Variants in ASIC2 observed in about 807,000 individuals in gnomAD.
ASIC2 encodes the protein acid-sensing ion channel 2.
ASIC2 carries 25 observed loss-of-function variants against 57.3 expected under a neutral mutation model. That is an observed-to-expected ratio of 0.44 (90% CI 0.32 to 0.61). ASIC2 has a LOEUF of 0.61. Ranked by LOEUF, ASIC2 falls within the 20% of genes least tolerant of loss-of-function variation. The pLI is 0.06. For synonymous variants in ASIC2, 319 were observed against 307.5 expected (o/e 1.04, Z -0.39); for missense variants, 641 against 738.1 (o/e 0.87, Z 1.52).
chr17:33,663,204 A>G lies in ASIC2; in HGVS notation c.555+492774T>C, dbSNP rs1017484695. ...AATTGAGGCTTTGTGAGCTTACCCA[A>G]GCTTTCCAGGTTCACGCAGCAGGTA... On this transcript the variant is annotated intron_variant, in intron 1 of 9. Coordinates refer to the ASIC2 transcript ENST00000359872. 8.5e-5 allele frequency among the ~76,000 whole-genome samples: 13 copies of G among 152,200 alleles called. 1 individual carries two copies. Among genetic ancestry groups the G allele is most frequent in the Non-Finnish European group, 1.9e-4 (13 of 68,022 alleles).
rs140960123 is a variant in ASIC2 at position 34,101,642 on chromosome 17, C to T, written c.555+54336G>A. 3.9e-3 allele frequency among the ~76,000 whole-genome samples: 595 copies of T among 152,224 alleles called. 3 individuals carry two copies. The highest frequency in any genetic ancestry group is 0.013 in the African/African-American group (547 of 41,522). The stretch of plus-strand genomic sequence containing the variant: ...CAGTAGGAACCACCAATCTCAAATC[C>T]GGTGTTTATGATTTCCATGATTATT... On this transcript the variant is annotated intron_variant, in intron 1 of 9. Coordinates refer to the ASIC2 transcript ENST00000359872.
intron 1 of ASIC2, among the ~76,000 whole-genome samples, chr17:33,391,472 A>G (rs975781829): frequency 2.6e-5 from 4 of 152,194 alleles, no homozygotes; most frequent in Non-Finnish European, 5.9e-5. Flanking sequence ...GGCTTCTCTT[A>G]GTCCTCCCCC....
intron 1 of ASIC2, among the ~76,000 whole-genome samples, chr17:33,180,334 G>A (rs1271363528): frequency 6.6e-6 from 1 of 152,220 alleles, no homozygotes; most frequent in African/African-American, 2.4e-5. Context: ...ATGAGGGGAA[G>A]GAGCATGGTC....
In ASIC2 at chr17:34,065,358, G is replaced by A. The variant is rs563024200; in HGVS notation, c.555+90620C>T. On this transcript the variant is annotated intron_variant, in intron 1 of 9. Transcript: ENST00000359872. ...GCAACGGATGTTGGGGACTTAGGGG[G>A]AAGAGTGGAAGGGGAGCTAGGGATA... Among the ~76,000 whole-genome samples the A allele has an allele frequency of 1.4e-4, 22 of 152,246 alleles. No individual in the cohort carries two copies. In the South Asian group the frequency reaches 4.6e-3, roughly 32 times the overall value.
chr17:33,627,987 GC>G (rs1341108620), intron 1 of ASIC2, among the ~76,000 whole-genome samples: 2 of 152,014 alleles, frequency 1.3e-5, no homozygotes, highest in Non-Finnish European at 2.9e-5. Context: ...CTGAGATTGT[GC>G]CACTGCACTC....
chr17:33,057,040 T>C (rs8077247), intron 3 of ASIC2, among the ~76,000 whole-genome samples: 145,106 of 152,252 alleles, frequency 0.95, 69,191 homozygotes, highest in East Asian at 1. Context: ...TTTAAGGAGG[T>C]GGGAAGGGAA....
chr17:33,697,527 G>A lies in ASIC2; in HGVS notation c.555+458451C>T, dbSNP rs866193585. 4.6e-5 allele frequency among the ~76,000 whole-genome samples: 7 copies of A among 152,120 alleles called. 1 individual carries two copies. The highest frequency in any genetic ancestry group is 2.0e-4 in the Admixed American group (3 of 15,268). Reference sequence around the variant, plus strand: ...GCAGAAAGTACCATAAGAAAGGGACGGTTCCCTTTTGACTGATATGGTTGA... The same window carrying A: ...GCAGAAAGTACCATAAGAAAGGGACAGTTCCCTTTTGACTGATATGGTTGA... On this transcript the variant is annotated intron_variant, in intron 1 of 9. Transcript: ENST00000359872.
At chr17:33,061,935 T>C (rs1273368716) in intron 3 of ASIC2, among the ~76,000 whole-genome samples, 1 of 152,252 alleles carries the variant, frequency 6.6e-6, no homozygotes, top group East Asian at 1.9e-4. Flanking sequence ...CTAGATTTTC[T>C]AGTTTATTTG....
At chr17:33,332,475 G>A (rs1907350335) in intron 1 of ASIC2, among the ~76,000 whole-genome samples, 1 of 152,242 alleles carries the variant, frequency 6.6e-6, no homozygotes, top group South Asian at 2.1e-4. Flanking sequence ...TATCCTCACA[G>A]CATGTCTTAT....
chr17:33,231,306 G>A (rs1039530109), intron 1 of ASIC2, among the ~76,000 whole-genome samples: 1 of 152,164 alleles, frequency 6.6e-6, no homozygotes, highest in Non-Finnish European at 1.5e-5. Context: ...TAATATCTGT[G>A]GGAGTTGGCA....
At chr17:33,925,824 C>T (rs994302901) in intron 1 of ASIC2, among the ~76,000 whole-genome samples, 5 of 152,228 alleles carry the variant, frequency 3.3e-5, no homozygotes, top group Non-Finnish European at 7.3e-5. Context: ...CCCTTTTCCA[C>T]CCTGCTCTAC....
intron 1 of ASIC2, among the ~76,000 whole-genome samples, chr17:33,233,121 T>C (rs1319374307): frequency 6.6e-6 from 1 of 151,960 alleles, no homozygotes; most frequent in Non-Finnish European, 1.5e-5. Flanking sequence ...CTTTTACCAC[T>C]TTCTGTGCCT....
chr17:33,531,718 T>A (rs1481082260), intron 1 of ASIC2, among the ~76,000 whole-genome samples: 1 of 152,170 alleles, frequency 6.6e-6, no homozygotes, highest in East Asian at 1.9e-4. Context: ...GGCCCTTCTT[T>A]CCTCCATCCT....
chr17:33,301,204 T>A (rs998485788), intron 1 of ASIC2, among the ~76,000 whole-genome samples: 1 of 151,620 alleles, frequency 6.6e-6, no homozygotes, highest in Non-Finnish European at 1.5e-5. Context: ...TAATTTTTTT[T>A]TTTTTTTGTA....
chr17:33,134,608 G>A (rs932639475), intron 1 of ASIC2, among the ~76,000 whole-genome samples: 5 of 152,242 alleles, frequency 3.3e-5, no homozygotes, highest in Admixed American at 2.0e-4. Flanking sequence ...GCTTGCTGAA[G>A]CTCATCCTTT....
chr17:33,805,547 A>T (rs73986728), intron 1 of ASIC2, among the ~76,000 whole-genome samples: 13,006 of 152,252 alleles, frequency 0.085, 644 homozygotes, highest in East Asian at 0.19. Flanking sequence ...TGAGTGTCAA[A>T]GTTGCTGACT....
At chr17:33,791,296 G>A (rs371319329) in intron 1 of ASIC2, among the ~76,000 whole-genome samples, 3 of 152,162 alleles carry the variant, frequency 2.0e-5, no homozygotes, top group African/African-American at 7.2e-5. Flanking sequence ...CTCTGAGATC[G>A]GCTAGTTCAT....
chr17:33,619,841 G>GA (rs111653636), intron 1 of ASIC2, among the ~76,000 whole-genome samples: 60 of 147,076 alleles, frequency 4.1e-4, no homozygotes, highest in South Asian at 1.3e-3. Context: ...GATATTATTT[G>GA]AAAAAAAAAA....
chr17:33,196,978 T>C (rs1906656954), intron 1 of ASIC2, among the ~76,000 whole-genome samples: 1 of 152,178 alleles, frequency 6.6e-6, no homozygotes, highest in Non-Finnish European at 1.5e-5. Context: ...AGCTGGTACA[T>C]GGGACAGGGA....
Sources: gnomAD v4.1 joint callset for allele counts (sites outside exome capture counted in the v4.1 genomes callset) on GRCh38, gnomAD v4.1.1 for gene constraint, MANE v1.5 for transcripts, NCBI Gene and HGNC (gene_info 2026-07-23, HGNC 2026-07-21) for gene names.